The following LRRTM4 variants were observed in gnomAD, a reference collection of about 807,000 sequenced individuals.
LRRTM4 encodes leucine-rich repeat transmembrane neuronal protein 4.
LRRTM4 carries 25 observed loss-of-function variants against 47.6 expected under a neutral mutation model. The observed-to-expected ratio is 0.53, with a 90% CI of 0.38 to 0.73. The LOEUF (loss-of-function observed/expected upper bound fraction) is 0.73, where lower values mean the gene tolerates loss of function less well. Ranked by LOEUF, LRRTM4 falls within the 30% of genes least tolerant of loss-of-function variation. The pLI is 0.00. For synonymous variants in LRRTM4, 311 were observed against 269.5 expected, an observed-to-expected ratio of 1.15 and a Z score of -1.51; for missense variants, 638 against 713.4, an observed-to-expected ratio of 0.89 and a Z score of 1.20.
At chr2:77,222,404 C>T (rs574446247) in intron 3 of LRRTM4, among the ~76,000 whole-genome samples, 2 of 152,140 alleles carry the variant, frequency 1.3e-5, no homozygotes, top group Admixed American at 6.5e-5. Flanking sequence ...TTCAAAAAAT[C>T]AATGAATCCA....
intron 3 of LRRTM4, among the ~76,000 whole-genome samples, chr2:77,129,478 A>G (rs969082727): frequency 6.6e-6 from 1 of 152,182 alleles, no homozygotes; most frequent in Non-Finnish European, 1.5e-5. Context: ...TGAATCTACT[A>G]ATCACTTTGT....
chr2:76,861,546 C>A (rs1672312608), intron 3 of LRRTM4, among the ~76,000 whole-genome samples: 1 of 152,164 alleles, frequency 6.6e-6, no homozygotes, highest in Non-Finnish European at 1.5e-5. Flanking sequence ...ATCTTTTCAA[C>A]AGCCATACTC....
intron 3 of LRRTM4, among the ~76,000 whole-genome samples, chr2:76,842,810 T>A (rs1671724174): frequency 6.6e-6 from 1 of 152,202 alleles, no homozygotes. Flanking sequence ...TGTGCCATAG[T>A]GTTTTGCTGC....
intron 3 of LRRTM4, among the ~76,000 whole-genome samples, chr2:77,106,412 G>T (rs889374404): frequency 3.9e-5 from 6 of 152,002 alleles, no homozygotes; most frequent in African/African-American, 1.5e-4. Context: ...ATATTCATTT[G>T]TATCACATGT....
chr2:76,900,478 T>C (rs1006313944), intron 3 of LRRTM4, among the ~76,000 whole-genome samples: 3 of 152,282 alleles, frequency 2.0e-5, no homozygotes, highest in Non-Finnish European at 4.4e-5. Flanking sequence ...TTTTATAATA[T>C]ATCTAATAGG....
chr2:77,016,373 G>T (rs1379300136), intron 3 of LRRTM4, among the ~76,000 whole-genome samples: 3 of 135,244 alleles, frequency 2.2e-5, no homozygotes, highest in African/African-American at 5.8e-5. Context: ...GACAGAGGGA[G>T]AACTCCATTT....
chr2:77,466,202 G>C (rs1676976279), intron 3 of LRRTM4, among the ~76,000 whole-genome samples: 1 of 152,184 alleles, frequency 6.6e-6, no homozygotes, highest in South Asian at 2.1e-4. Flanking sequence ...GGCATATGGG[G>C]ACAGCAAAGG....
chr2:76,997,915 T>G (rs989463221), intron 3 of LRRTM4, among the ~76,000 whole-genome samples: 4 of 151,806 alleles, frequency 2.6e-5, no homozygotes, highest in Non-Finnish European at 4.4e-5. Flanking sequence ...ATGTGAGGGA[T>G]CTAGGTTGCA....
intron 3 of LRRTM4, among the ~76,000 whole-genome samples, chr2:76,899,350 C>CAT (rs1329154204): frequency 2.3e-5 from 3 of 131,450 alleles, no homozygotes; most frequent in African/African-American, 3.4e-5. Flanking sequence ...CACACACACA[C>CAT]ACATATATAT....
intron 3 of LRRTM4, among the ~76,000 whole-genome samples, chr2:77,350,482 A>G (rs1162369016): frequency 1.3e-5 from 2 of 152,010 alleles, no homozygotes; most frequent in Non-Finnish European, 2.9e-5. Flanking sequence ...TTTCTAAAAT[A>G]GTATGTATAG....
rs1372950168 is a variant in LRRTM4 at position 77,465,895 on chromosome 2, A to ATT, written c.1551+52422_1551+52423insAA. Among the ~76,000 whole-genome samples, 1,203 of 152,232 alleles carry ATT rather than the reference A, an allele frequency of 7.9e-3. 5 individuals carry two copies. Among genetic ancestry groups the ATT allele is most frequent in the Non-Finnish European group, 0.012 (787 of 68,000 alleles). On this transcript the variant is annotated intron_variant, in intron 3 of 3. Coordinates refer to ENST00000409884, the MANE Select transcript of LRRTM4 (RefSeq NM_001134745.3). ...TTAGATTCCTATTACAGAAAAATAC[A>ATT]TACAGGGAGCTGGCACCTAGGTAAT...
At chr2:77,024,791 T>C (rs1269050571) in intron 3 of LRRTM4, among the ~76,000 whole-genome samples, 3 of 152,156 alleles carry the variant, frequency 2.0e-5, no homozygotes, top group Admixed American at 2.0e-4. Flanking sequence ...AATTCTATTA[T>C]TGGAAACACA....
intron 3 of LRRTM4, among the ~76,000 whole-genome samples, chr2:76,907,385 A>C (rs1177548377): frequency 6.6e-6 from 1 of 151,270 alleles, no homozygotes; most frequent in African/African-American, 2.4e-5. Flanking sequence ...CCACAAGAAA[A>C]AGCAGGAAAG....
At chr2:77,292,775 C>A (rs1338648489) in intron 3 of LRRTM4, among the ~76,000 whole-genome samples, 13 of 151,042 alleles carry the variant, frequency 8.6e-5, no homozygotes, top group Middle Eastern at 3.4e-3. Flanking sequence ...TGCAGCACAC[C>A]AGCATGGCAC....
chr2:76,809,791 A>G (rs1316402048), intron 3 of LRRTM4, among the ~76,000 whole-genome samples: 7 of 152,176 alleles, frequency 4.6e-5, no homozygotes, highest in Non-Finnish European at 1.0e-4. Flanking sequence ...ATGTGGATCC[A>G]GCCACAGTTA....
rs370370813 is a variant in LRRTM4 at position 76,923,545 on chromosome 2, T to C, written c.1552-174629A>G. On this transcript the variant is annotated intron_variant, in intron 3 of 3. Transcript: ENST00000409884. ...AAATGTATAAAAAATAGAATAATTA[T>C]TGAATCATTCAAAATGATTCACTCA... 2.2e-4 allele frequency among the ~76,000 whole-genome samples: 33 copies of C among 152,212 alleles called. No individual in the cohort carries two copies. The East Asian group carries it at 5.8e-3, about 27-fold the overall frequency.
At chr2:77,458,138 A>C (rs1211699464) in intron 3 of LRRTM4, among the ~76,000 whole-genome samples, 3 of 152,160 alleles carry the variant, frequency 2.0e-5, no homozygotes, top group African/African-American at 7.2e-5. Flanking sequence ...CAGAGTACAG[A>C]CAGTCAATAA....
intron 3 of LRRTM4, among the ~76,000 whole-genome samples, chr2:77,233,695 TG>T (rs1235315556): frequency 6.6e-6 from 1 of 152,234 alleles, no homozygotes; most frequent in African/African-American, 2.4e-5. Flanking sequence ...AGTGTATTTT[TG>T]TAAATCAGAA....
At chr2:76,762,555 C>T (rs1038745297) in intron 3 of LRRTM4, among the ~76,000 whole-genome samples, 4 of 152,188 alleles carry the variant, frequency 2.6e-5, no homozygotes, top group African/African-American at 9.7e-5. Context: ...TATATGGAAA[C>T]TCAAAGTGCC....
Sources: allele counts gnomAD v4.1 joint callset (sites outside exome capture counted in the v4.1 genomes callset), GRCh38; gene constraint gnomAD v4.1.1; transcripts MANE v1.5; gene names NCBI Gene and HGNC (gene_info 2026-07-23, HGNC 2026-07-21).